The following CHST8 variants were observed in gnomAD, a reference collection of about 807,000 sequenced individuals.
CHST8 encodes the protein GALNAC-4-ST1.
In CHST8, 10 loss-of-function variants were observed where a neutral mutation model predicts 15.0. The ratio of observed to expected loss-of-function variants is 0.67; its 90% CI spans 0.41 to 1.13. The LOEUF (loss-of-function observed/expected upper bound fraction) is 1.13, where lower values mean the gene tolerates loss of function less well. Ranked by LOEUF, CHST8 falls within the 50% of genes most tolerant of loss-of-function variation. The pLI is 0.00. For synonymous variants in CHST8, 259 were observed against 256.6 expected (o/e 1.01, Z -0.09); for missense variants, 634 against 608.2 (o/e 1.04, Z -0.45).
At chr19:33,636,309 T>C (rs1244843502) in intron 1 of CHST8, among the ~76,000 whole-genome samples, 1 of 152,188 alleles carries the variant, frequency 6.6e-6, no homozygotes, top group East Asian at 1.9e-4. Flanking sequence ...TTGACAAGTA[T>C]TCTGCTTCTC....
intron 2 of CHST8, among the ~76,000 whole-genome samples, chr19:33,672,623 G>A (rs1011589700): frequency 6.6e-6 from 1 of 152,216 alleles, no homozygotes; most frequent in Non-Finnish European, 1.5e-5. Context: ...AGCTGGGCAG[G>A]GACTCTGACT....
chr19:33,737,035 T>C (rs937999212), intron 3 of CHST8, among the ~76,000 whole-genome samples: 7 of 152,088 alleles, frequency 4.6e-5, no homozygotes, highest in Non-Finnish European at 7.4e-5. Context: ...ACCATGACAG[T>C]TTACAGATGC....
At chr19:33,682,422 A>G (rs1600259064) in intron 2 of CHST8, among the ~76,000 whole-genome samples, 1 of 152,054 alleles carries the variant, frequency 6.6e-6, no homozygotes, top group African/African-American at 2.4e-5. Flanking sequence ...TGATGCACCC[A>G]GTTCATAATC....
intron 2 of CHST8, among the ~76,000 whole-genome samples, chr19:33,688,621 G>A (rs1381527734): frequency 2.0e-5 from 3 of 152,154 alleles, no homozygotes; most frequent in African/African-American, 7.2e-5. Context: ...GCTGTCACAG[G>A]AGAGTCCGTC....
rs1259948296 is a variant in CHST8, at chr19:33,743,324, C to T, written c.131-28089C>T. Among the ~76,000 whole-genome samples the T allele has an allele frequency of 5.1e-5, 6 of 117,962 alleles. No homozygotes were observed. The East Asian group carries it at 1.0e-3, about 20-fold the overall frequency. 77.4% of individuals were successfully genotyped at this position (117,962 alleles called of 152,430 possible). On this transcript the variant is annotated intron_variant, in intron 3 of 4. Coordinates refer to ENST00000650847, the MANE Select transcript of CHST8 (RefSeq NM_001127895.2). ...TTTTTTTTTTTTTTTTTTTTTGAGA[C>T]GGAGTCTCGCTGTTACCCAGGTTGG...
intron 3 of CHST8, among the ~76,000 whole-genome samples, chr19:33,720,699 T>C (rs1973772853): frequency 6.6e-6 from 1 of 152,206 alleles, no homozygotes; most frequent in African/African-American, 2.4e-5. Flanking sequence ...CTCAAGACCA[T>C]GGGGACACAG....
At chr19:33,712,595 G>A (rs889943998) in intron 3 of CHST8, among the ~76,000 whole-genome samples, 1 of 152,202 alleles carries the variant, frequency 6.6e-6, no homozygotes, top group Non-Finnish European at 1.5e-5. Context: ...AGAGGAACTT[G>A]CCGTTAGTCC....
chr19:33,710,029 G>A (rs59997556), intron 3 of CHST8, among the ~76,000 whole-genome samples: 4,353 of 152,118 alleles, frequency 0.029, 143 homozygotes, highest in African/African-American at 0.08. Context: ...GTTCTATTCA[G>A]GTTTTCTATT....
At chr19:33,714,166 A>G (rs564019480) in intron 3 of CHST8, among the ~76,000 whole-genome samples, 1 of 152,356 alleles carries the variant, frequency 6.6e-6, no homozygotes, top group Non-Finnish European at 1.5e-5. Flanking sequence ...ACCCAAAGGA[A>G]AAGAAGTCAC....
intron 2 of CHST8, among the ~76,000 whole-genome samples, chr19:33,688,812 C>A (rs1408683213): frequency 6.6e-6 from 1 of 152,164 alleles, no homozygotes; most frequent in Non-Finnish European, 1.5e-5. Context: ...TAGGCCCCCG[C>A]CCTGGGAGCA....
intron 3 of CHST8, among the ~76,000 whole-genome samples, chr19:33,743,315 T>C (rs1046347307): frequency 2.0e-5 from 3 of 149,598 alleles, no homozygotes; most frequent in African/African-American, 7.4e-5. Flanking sequence ...TTTTTTTTTT[T>C]TTTTGAGACG....
At chr19:33,672,855 G>T (rs1036221386) in intron 2 of CHST8, among the ~76,000 whole-genome samples, 1 of 152,174 alleles carries the variant, frequency 6.6e-6, no homozygotes, top group Non-Finnish European at 1.5e-5. Context: ...TTTCTGAGCC[G>T]CCAAGAAAGA....
Position 33,773,492 on chromosome 19 carries a change from C to T in CHST8, c.*429C>T, listed in dbSNP as rs1006724230. The T allele has an allele frequency of 5.3e-6, 1 of 188,840 alleles. No individual in the cohort carries two copies. Among genetic ancestry groups the T allele is most frequent in the South Asian group, 1.2e-4 (1 of 8,260 alleles). The allele number at this position is 188,840 out of a possible 1,614,324, so 11.7% of individuals were successfully genotyped here. A position where few individuals can be genotyped will look rare whatever the true frequency, so the allele number is the denominator to read the frequency against. ...CCTTGGATTAAGGTTCCAAATAAAG[C>T]ACATGGTTTCCAGAGCAGCGGTGTG... is the stretch of plus-strand genomic sequence containing the variant. On this transcript the variant is annotated 3_prime_UTR_variant, in exon 5 of 5. Coordinates refer to ENST00000650847, the MANE Select transcript of CHST8 (RefSeq NM_001127895.2).
intron 3 of CHST8, among the ~76,000 whole-genome samples, chr19:33,703,605 G>A (rs1255593475): frequency 1.3e-5 from 2 of 152,348 alleles, no homozygotes; most frequent in East Asian, 1.9e-4. Flanking sequence ...ACTGCCTGCC[G>A]GTGGGGTTAT....
At chr19:33,667,432 G>A (rs569132449) in intron 1 of CHST8, among the ~76,000 whole-genome samples, 1 of 152,116 alleles carries the variant, frequency 6.6e-6, no homozygotes, top group African/African-American at 2.4e-5. Context: ...CTCTATTTTG[G>A]TTCTTGCTTT....
intron 3 of CHST8, chr19:33,744,292 T>TG (rs1974267161): frequency 6.6e-6 from 1 of 152,064 alleles, no homozygotes; most frequent in African/African-American, 2.4e-5. Flanking sequence ...GGAGAAAAGG[T>TG]GGGGGCAGAT....
chr19:33,623,003 C>T (rs899057969), intron 1 of CHST8, among the ~76,000 whole-genome samples: 21 of 152,164 alleles, frequency 1.4e-4, no homozygotes, highest in African/African-American at 4.8e-4. Flanking sequence ...GGCTGCAACT[C>T]CGGCTACCGA....
At chr19:33,668,730 TCATCTTTTCCTGGGGGTAGAGCG>T (rs1972696115) in intron 2 of CHST8, among the ~76,000 whole-genome samples, 1 of 152,172 alleles carries the variant, frequency 6.6e-6, no homozygotes. Context: ...TAAAGGCTTT[TCATCTTTTCCTGGGGGTAGAGCG>T]CTGCAGAATT....
At chr19:33,672,597 G>A (rs890982245) in intron 2 of CHST8, among the ~76,000 whole-genome samples, 1 of 152,206 alleles carries the variant, frequency 6.6e-6, no homozygotes, top group Non-Finnish European at 1.5e-5. Context: ...GGAAGATGCG[G>A]AGAAACAGGA....
Sources: allele counts gnomAD v4.1 joint callset (sites outside exome capture counted in the v4.1 genomes callset), GRCh38; gene constraint gnomAD v4.1.1; transcripts MANE v1.5; gene names NCBI Gene and HGNC (gene_info 2026-07-23, HGNC 2026-07-21).